Variants in RMDN2 observed in about 807,000 individuals in gnomAD.
RMDN2 encodes regulator of microtubule dynamics protein 2.
A neutral mutation model predicts 52.8 loss-of-function variants in RMDN2; 61 were observed. The ratio of observed to expected loss-of-function variants is 1.16; its 90% CI spans 0.94 to 1.43. RMDN2 has a LOEUF of 1.43. RMDN2 is among the 40% of genes most tolerant of loss of function. The probability of loss-of-function intolerance (pLI) is 0.00; values close to 1 mark genes in which losing one functional copy is unlikely to be tolerated. For synonymous variants in RMDN2, 180 were observed against 153.1 expected, an observed-to-expected ratio of 1.18 and a Z score of -1.30; for missense variants, 592 against 475.3, an observed-to-expected ratio of 1.25 and a Z score of -2.28.
intron 5 of RMDN2, 145 bp from the exon 6 acceptor site, chr2:37,989,396 A>G (rs1674461544): frequency 1.7e-6 from 1 of 598,854 alleles, no homozygotes; most frequent in Non-Finnish European, 3.0e-6. Context: ...AGTATTTATT[A>G]TTGTTAGGGC....
intron 2 of RMDN2, chr2:37,951,639 A>G (rs1374760131): frequency 1.2e-6 from 2 of 1,612,398 alleles, no homozygotes; most frequent in Non-Finnish European, 1.7e-6. Context: ...CAAGAGTGCC[A>G]TTTTTTTTGA....
At chr2:38,052,858 C>T (rs1033583559) in intron 10 of RMDN2, among the ~76,000 whole-genome samples, 3 of 152,142 alleles carry the variant, frequency 2.0e-5, no homozygotes, top group African/African-American at 7.2e-5. Context: ...GTGGGCAATG[C>T]TGCACTCACT....
intron 2 of RMDN2, chr2:37,952,245 G>C (rs1668924089): frequency 3.1e-6 from 5 of 1,589,788 alleles, no homozygotes; most frequent in Non-Finnish European, 4.3e-6. Flanking sequence ...ACCTCAAATA[G>C]TTTTCCCACC....
At chr2:37,932,904 G>A (rs1334362748) in intron 2 of RMDN2, among the ~76,000 whole-genome samples, 5 of 149,700 alleles carry the variant, frequency 3.3e-5, no homozygotes, top group African/African-American at 7.4e-5. Context: ...GCGGCTGGCC[G>A]GGCGGGGGGC....
intron 5 of RMDN2, among the ~76,000 whole-genome samples, chr2:37,982,555 G>T (rs1158713528): frequency 2.5e-4 from 38 of 152,108 alleles, no homozygotes; most frequent in Admixed American, 2.5e-3. Flanking sequence ...ATCTTACGTA[G>T]CCTGGAGAAG....
intron 2 of RMDN2, among the ~76,000 whole-genome samples, chr2:37,968,232 G>A (rs868299482): frequency 6.6e-6 from 1 of 152,044 alleles, no homozygotes; most frequent in South Asian, 2.1e-4. Flanking sequence ...CTTGAGGTCA[G>A]GAGTTCGAGA....
At chr2:38,049,980 CT>C (rs1368740117) in intron 10 of RMDN2, among the ~76,000 whole-genome samples, 1 of 152,152 alleles carries the variant, frequency 6.6e-6, no homozygotes, top group East Asian at 1.9e-4. Context: ...AAGTACTGTG[CT>C]TAAGCTAATA....
downstream of RMDN2, among the ~76,000 whole-genome samples, chr2:38,020,594 C>T (rs2125256175): frequency 6.6e-6 from 1 of 152,316 alleles, no homozygotes; most frequent in Admixed American, 6.5e-5. Flanking sequence ...CTTGGCGGGC[C>T]CCACACTGGG....
chr2:37,952,625 G>T lies in RMDN2; in HGVS notation c.453-21415G>T, dbSNP rs564428972. 3.5e-5 allele frequency: 8 copies of T among 226,948 alleles called. No homozygotes were observed. The East Asian group carries it at 6.7e-4, about 19-fold the overall frequency. The allele number at this position is 226,948 out of a possible 1,614,324, so 14.1% of individuals were successfully genotyped here. On this transcript the variant is annotated intron_variant, in intron 2 of 10. Coordinates refer to ENST00000354545, the MANE Select transcript of RMDN2 (RefSeq NM_001170791.3). ...AAATAGTATTCTTACATAATCATTA[G>T]AGCTATTTTCATCAATTCACACATT...
intron 10 of RMDN2, among the ~76,000 whole-genome samples, chr2:38,034,794 TA>T (rs1336578201): frequency 1.4e-5 from 2 of 145,184 alleles, no homozygotes; most frequent in Non-Finnish European, 3.0e-5. Flanking sequence ...TAAAATATTT[TA>T]AAGGGCAAGA....
At chr2:37,941,378 C>A (rs1156276944) in intron 2 of RMDN2, among the ~76,000 whole-genome samples, 1 of 152,210 alleles carries the variant, frequency 6.6e-6, no homozygotes, top group Non-Finnish European at 1.5e-5. Context: ...GGGTCAGGGA[C>A]CCACTTGAGG....
intron 5 of RMDN2, among the ~76,000 whole-genome samples, chr2:37,985,927 G>T (rs762513426): frequency 7.9e-5 from 12 of 152,034 alleles, no homozygotes; most frequent in Non-Finnish European, 1.2e-4. Context: ...TATCAATATT[G>T]TATATCAATA....
intron 2 of RMDN2, among the ~76,000 whole-genome samples, chr2:37,956,622 G>A (rs1176474889): frequency 1.3e-5 from 2 of 151,486 alleles, no homozygotes; most frequent in Non-Finnish European, 3.0e-5. Flanking sequence ...GATTTAGGTT[G>A]TTGATTCGGG....
chr2:38,057,497 T>C (rs904256168), intron 10 of RMDN2, among the ~76,000 whole-genome samples: 3 of 152,276 alleles, frequency 2.0e-5, no homozygotes, highest in African/African-American at 7.2e-5. Flanking sequence ...ATTTGGACCA[T>C]GGGCCATAGT....
intron 1 of RMDN2, among the ~76,000 whole-genome samples, chr2:37,927,752 A>G (rs908703246): frequency 2.6e-5 from 4 of 152,246 alleles, no homozygotes; most frequent in African/African-American, 9.6e-5. Flanking sequence ...ATTAATGGGC[A>G]TAGAGTGACT....
chr2:37,930,727 A>C (rs1463585086), intron 2 of RMDN2, among the ~76,000 whole-genome samples: 3 of 152,198 alleles, frequency 2.0e-5, no homozygotes, highest in African/African-American at 7.2e-5. Flanking sequence ...TCCCCAAAGA[A>C]GTAGCAGCAG....
At position 37,929,243 on chromosome 2, in the gene RMDN2, T is replaced by G; in HGVS notation, c.-16-19T>G. 1 of 1,348,092 alleles carries G rather than the reference T, an allele frequency of 7.4e-7. No homozygotes were observed. The highest frequency in any genetic ancestry group is 1.0e-6 in the Non-Finnish European group (1 of 994,312). The allele number at this position is 1,348,092 out of a possible 1,614,324, so 83.5% of individuals were successfully genotyped here. ...AAGACATAAACAACATTCATTTACA[T>G]TTATGTTTTTAATTTTAGAAACGAA... On this transcript the variant is annotated intron_variant, in intron 1 of 10. Transcript: ENST00000354545.
intron 2 of RMDN2, among the ~76,000 whole-genome samples, chr2:37,939,583 G>C (rs1667603890): frequency 6.6e-6 from 1 of 152,108 alleles, no homozygotes; most frequent in African/African-American, 2.4e-5. Context: ...TCTTGTATTG[G>C]GTGAGTATAT....
rs1456217382 is a variant in RMDN2 at position 37,929,653 on chromosome 2, G to T, written c.376G>T (p.Ala126Ser). 6.5e-7 allele frequency: 1 copy of T among 1,544,726 alleles called. No individual in the cohort carries two copies. ...TVHKISPQHR[A>S]RKRRLPTIQS... The stretch of plus-strand genomic sequence containing the variant: ...TCATAAGATAAGCCCTCAGCACAGA[G>T]CGAGAAAAAGAAGACTCCCCACAAT... The change falls in exon 2 of 11, where the codon GCG becomes TCG. Residue 126 changes from alanine to serine, a missense_variant. Ala to Ser is a moderately conservative substitution (Grantham distance 99). Coordinates refer to ENST00000354545, the MANE Select transcript of RMDN2 (RefSeq NM_001170791.3).
Sources: gnomAD v4.1 joint callset for allele counts (sites outside exome capture counted in the v4.1 genomes callset) on GRCh38, gnomAD v4.1.1 for gene constraint, MANE v1.5 for transcripts, NCBI Gene and HGNC (gene_info 2026-07-23, HGNC 2026-07-21) for gene names.